The following RRM2 variants were observed in gnomAD, a reference collection of about 807,000 sequenced individuals.
RRM2 encodes the protein ribonucleoside-diphosphate reductase subunit M2.
Under a neutral mutation model 45.9 loss-of-function variants are expected in RRM2, and 6 were observed. That is an observed-to-expected ratio of 0.13 (90% CI 0.07 to 0.26). RRM2 has a LOEUF of 0.26. Among genes scored for constraint, RRM2 ranks in the 10% least tolerant of loss-of-function variants. The pLI, the probability that RRM2 is intolerant of heterozygous loss-of-function variation, is 1.00. For missense variants in RRM2, 343 were observed against 489.5 expected (o/e 0.70, Z 2.82); for synonymous variants, 177 against 173.0 (o/e 1.02, Z -0.18).
At position 10,195,390 on chromosome 2, in the gene RRM2, T is replaced by C. The variant is rs111981313; in HGVS notation, n.483-14921T>C. ...GGACACAGGGCCTCTGAGCGGACAG[T>C]GCTGGCGGAGCCCTGGGGAGCACCG... On this transcript the variant is annotated intron_variant and non_coding_transcript_variant, in intron 3 of 3. Coordinates refer to the RRM2 transcript ENST00000381786. This position sits in a 1 kb window ranked among gnomAD's most constrained non-coding sequence, Gnocchi z 4.9. Among the ~76,000 whole-genome samples the C allele has an allele frequency of 2.0e-5, 3 of 151,756 alleles. No homozygotes were observed. Among genetic ancestry groups the C allele is most frequent in the Admixed American group, 6.5e-5 (1 of 15,268 alleles).
intron 3 of RRM2, among the ~76,000 whole-genome samples, chr2:10,208,985 G>A (rs917767408): frequency 1.3e-5 from 2 of 151,380 alleles, no homozygotes; most frequent in African/African-American, 4.9e-5. Flanking sequence ...CTGTCTCCTG[G>A]TGGCCAAACT....
At position 10,127,147 on chromosome 2, in the gene RRM2, CGA is replaced by C; in HGVS notation, c.726_727del (p.Phe244LeufsTer15). 6.2e-7 allele frequency: 1 copy of C among 1,614,110 alleles called. No homozygotes were observed. Among genetic ancestry groups the C allele is most frequent in the Non-Finnish European group, 8.5e-7 (1 of 1,180,008 alleles). On this transcript the variant is annotated frameshift_variant, in exon 7 of 10. Transcript: ENST00000304567. LOFTEE classifies it high-confidence loss of function. The surrounding 1 kb of genome is among the most constrained non-coding windows in gnomAD (Gnocchi z 4.1). ...ATTTTCTTTTCCGGTTCTTTTGCGT[CGA>C]TATTCTGGCTCAAGAAACGAGGACT...
At chr2:10,188,120 C>T (rs149261107) in intron 3 of RRM2, among the ~76,000 whole-genome samples, 1 of 152,300 alleles carries the variant, frequency 6.6e-6, no homozygotes, top group Non-Finnish European at 1.5e-5. Flanking sequence ...CTGAGGACCC[C>T]GAGCTGCAGC....
At chr2:10,142,574 A>C (rs972942574) in intron 3 of RRM2, among the ~76,000 whole-genome samples, 1 of 151,336 alleles carries the variant, frequency 6.6e-6, no homozygotes, top group African/African-American at 2.4e-5. Context: ...CATGTCCCTC[A>C]CCCCATGCCC....
chr2:10,157,710 A>T (rs573009998), intron 3 of RRM2, among the ~76,000 whole-genome samples: 3 of 152,282 alleles, frequency 2.0e-5, no homozygotes, highest in African/African-American at 7.2e-5. Flanking sequence ...ACTATACTAC[A>T]GTTTGTTCAT....
At chr2:10,145,002 C>T (rs1011948286) in intron 3 of RRM2, among the ~76,000 whole-genome samples, 1 of 152,124 alleles carries the variant, frequency 6.6e-6, no homozygotes, top group African/African-American at 2.4e-5. Context: ...AGGGAGACAC[C>T]AAAGAGGAGG....
At position 10,205,832 on chromosome 2, in the gene RRM2, C is replaced by T. The variant is rs1319860049; in HGVS notation, n.483-4479C>T. Among the ~76,000 whole-genome samples, 3 of 152,054 alleles carry T rather than the reference C, an allele frequency of 2.0e-5. No homozygotes were observed. In the South Asian group the frequency reaches 6.2e-4, roughly 31 times the overall value. On this transcript the variant is annotated intron_variant and non_coding_transcript_variant, in intron 3 of 3. Transcript: ENST00000381786. The surrounding 1 kb of genome is among the most constrained non-coding windows in gnomAD (Gnocchi z 4.8). Reference sequence around the variant, plus strand: ...TCAGCCTCTGGAGTAGCTGGGACTACAGGCACCTGCCACCACCCCTGGATA... The same window carrying T: ...TCAGCCTCTGGAGTAGCTGGGACTATAGGCACCTGCCACCACCCCTGGATA...
chr2:10,158,569 T>A (rs898747598), intron 3 of RRM2, among the ~76,000 whole-genome samples: 2 of 152,098 alleles, frequency 1.3e-5, no homozygotes, highest in African/African-American at 4.8e-5. Flanking sequence ...CTCTGTTGGA[T>A]GAAGCAGCCC....
chr2:10,162,488 C>T (rs989743361), intron 3 of RRM2, among the ~76,000 whole-genome samples: 4 of 152,112 alleles, frequency 2.6e-5, no homozygotes, highest in Admixed American at 2.6e-4. Context: ...GAACCCCTTC[C>T]TTCTCTGTCC....
intron 2 of RRM2, chr2:10,142,125 GC>G: frequency 6.4e-7 from 1 of 1,568,064 alleles, no homozygotes; most frequent in Non-Finnish European, 8.7e-7. Flanking sequence ...AAGCGCAAAG[GC>G]CCTGTGGCAG....
chr2:10,143,870 G>T (rs1663136801), intron 3 of RRM2, among the ~76,000 whole-genome samples: 1 of 152,202 alleles, frequency 6.6e-6, no homozygotes, highest in Non-Finnish European at 1.5e-5. Flanking sequence ...GTTTCACCAT[G>T]TTGGCCAGGA....
At chr2:10,137,060 T>C (rs1662999825), upstream of RRM2, among the ~76,000 whole-genome samples, 2 of 152,234 alleles carry the variant, frequency 1.3e-5, no homozygotes, top group African/African-American at 4.8e-5. Context: ...AATCAATACA[T>C]TCCTGATAGG....
chr2:10,179,717 C>T (rs1214918772), intron 3 of RRM2, among the ~76,000 whole-genome samples: 1 of 152,166 alleles, frequency 6.6e-6, no homozygotes, highest in Non-Finnish European at 1.5e-5. Flanking sequence ...GAGGGAAGTA[C>T]AGTTTCTATT....
chr2:10,208,470 G>T (rs966105652), intron 3 of RRM2, among the ~76,000 whole-genome samples: 1 of 152,172 alleles, frequency 6.6e-6, no homozygotes, highest in African/African-American at 2.4e-5. Context: ...AGACACAAAA[G>T]AATATGCTTC....
chr2:10,173,580 G>A (rs1415422565), intron 3 of RRM2, among the ~76,000 whole-genome samples: 1 of 152,250 alleles, frequency 6.6e-6, no homozygotes, highest in African/African-American at 2.4e-5. Context: ...CCTGGGCAGG[G>A]CTCTGCGGAG....
intron 3 of RRM2, among the ~76,000 whole-genome samples, chr2:10,164,067 CGT>C (rs1663629639): frequency 6.6e-6 from 1 of 151,462 alleles, no homozygotes; most frequent in Non-Finnish European, 1.5e-5. Context: ...CATGAGTGAA[CGT>C]GTGTGTGAGT....
At chr2:10,142,032 G>A in intron 2 of RRM2, 9 of 1,587,348 alleles carry the variant, frequency 5.7e-6, no homozygotes, top group Non-Finnish European at 6.9e-6. Flanking sequence ...GCTCTTTCAT[G>A]TGGGGAGCCA....
chr2:10,146,614 T>G (rs1482272808), intron 3 of RRM2, among the ~76,000 whole-genome samples: 1 of 151,352 alleles, frequency 6.6e-6, no homozygotes, highest in Non-Finnish European at 1.5e-5. Context: ...CAGCGCATGC[T>G]CCTCGCTCTG....
chr2:10,137,918 G>T (rs1663018736), upstream of RRM2, among the ~76,000 whole-genome samples: 1 of 152,192 alleles, frequency 6.6e-6, no homozygotes. Flanking sequence ...GACTGATGTG[G>T]GTCCCAATGT....
Sources: gnomAD v4.1 joint callset for allele counts (sites outside exome capture counted in the v4.1 genomes callset) on GRCh38, gnomAD v4.1.1 for gene constraint, Gnocchi (gnomAD v3.1) non-coding constraint, MANE v1.5 for transcripts, NCBI Gene and HGNC (gene_info 2026-07-23, HGNC 2026-07-21) for gene names.